Variants in ZNF638 observed in about 807,000 individuals in gnomAD.
The protein encoded by ZNF638 is CTCL tumor antigen se33-1.
In ZNF638, 46 loss-of-function variants were observed where a neutral mutation model predicts 195.6. That is an observed-to-expected ratio of 0.24 (90% CI 0.19 to 0.30). The LOEUF is 0.30. Ranked by LOEUF, ZNF638 falls within the 10% of genes least tolerant of loss-of-function variation. The pLI, the probability that ZNF638 is intolerant of heterozygous loss-of-function variation, is 1.00. For synonymous variants in ZNF638, 845 were observed against 772.0 expected (o/e 1.09, Z -1.57); for missense variants, 2,440 against 2,325.3 (o/e 1.05, Z -1.01).
rs369665852 is a variant in ZNF638 at position 71,396,075 on chromosome 2, C to G, written c.2378-66C>G. 17 of 1,465,616 alleles carry G rather than the reference C, an allele frequency of 1.2e-5. No individual in the cohort carries two copies. The African/African-American group carries it at 2.2e-4, about 19-fold the overall frequency. 90.8% of individuals were successfully genotyped at this position (1,465,616 alleles called of 1,614,324 possible). On this transcript the variant is annotated intron_variant, in intron 10 of 27. Transcript: ENST00000264447. ...TCTTTCGAAATTATTGCTAGGTTGA[C>G]TTTTAACTAAATCCAAGTGATGTTA... is the stretch of plus-strand genomic sequence containing the variant.
In ZNF638 at chr2:71,408,231, A is replaced by G; in HGVS notation, c.3245A>G (p.Lys1082Arg). ...ATGTTGACCTGCTCATTATCTCCAA[A>G]GATAGACTTACCAGAGGTAAGATTT... ...DHMLTCSLSP[K>R]IDLPEVQIEH... The change falls in exon 20 of 28, where the codon AAG (lysine) becomes AGG (arginine). Residue 1082 changes from lysine to arginine, a missense_variant. Physicochemically the swap from Lys to Arg is conservative, Grantham distance 26. Transcript: ENST00000264447. The G allele has an allele frequency of 6.2e-7, 1 of 1,610,940 alleles. No individual in the cohort carries two copies. The highest frequency in any genetic ancestry group is 2.2e-5 in the East Asian group (1 of 44,704).
At chr2:71,418,712 T>A in intron 21 of ZNF638, 73 bp downstream of exon 21, 3 of 1,077,324 alleles carry the variant, frequency 2.8e-6, no homozygotes, top group Non-Finnish European at 4.0e-6. Flanking sequence ...TATTTTATAG[T>A]AATGGCTCAC....
At chr2:71,409,547 C>T (rs1188911749) in intron 20 of ZNF638, among the ~76,000 whole-genome samples, 1 of 152,118 alleles carries the variant, frequency 6.6e-6, no homozygotes, top group Non-Finnish European at 1.5e-5. Context: ...GTGTCCATAA[C>T]CTCTACACTC....
At chr2:71,429,232 G>A (rs1328264175) in intron 25 of ZNF638, among the ~76,000 whole-genome samples, 2 of 152,100 alleles carry the variant, frequency 1.3e-5, no homozygotes, top group African/African-American at 2.4e-5. Flanking sequence ...TAAGGGTATC[G>A]CTTTTACCAT....
chr2:71,371,236 T>C (rs1454999832), intron 8 of ZNF638, among the ~76,000 whole-genome samples: 2 of 152,194 alleles, frequency 1.3e-5, no homozygotes, highest in Admixed American at 6.5e-5. Context: ...TCTTTATCTA[T>C]TCATGTGTTG....
chr2:71,406,762 G>A (rs1558873714), intron 19 of ZNF638, among the ~76,000 whole-genome samples: 1 of 152,158 alleles, frequency 6.6e-6, no homozygotes, highest in Admixed American at 6.5e-5. Context: ...CACTTTGGGA[G>A]GCTGAGGCGA....
chr2:71,392,217 C>G (rs1036940999), intron 10 of ZNF638, among the ~76,000 whole-genome samples: 1 of 152,202 alleles, frequency 6.6e-6, no homozygotes, highest in African/African-American at 2.4e-5. Context: ...TGCTGGCAGA[C>G]TATTTCAGTT....
At chr2:71,340,404 G>A (rs1384283623) in intron 1 of ZNF638, among the ~76,000 whole-genome samples, 1 of 152,198 alleles carries the variant, frequency 6.6e-6, no homozygotes, top group Non-Finnish European at 1.5e-5. Flanking sequence ...TGGTAGGAGA[G>A]ATCAGCAGAT....
chr2:71,352,353 C>A (rs1423136499), intron 2 of ZNF638, among the ~76,000 whole-genome samples: 1 of 151,936 alleles, frequency 6.6e-6, no homozygotes, highest in Non-Finnish European at 1.5e-5. Context: ...TCATGCGCAC[C>A]TGTAATTCCA....
chr2:71,410,047 C>A (rs752524366), intron 20 of ZNF638, among the ~76,000 whole-genome samples: 6 of 152,134 alleles, frequency 3.9e-5, no homozygotes, highest in Admixed American at 6.5e-5. Flanking sequence ...TGTGCTTAGG[C>A]TATTTTTCCT....
chr2:71,343,873 G>T (rs554529052), intron 1 of ZNF638, among the ~76,000 whole-genome samples: 5 of 47,726 alleles, frequency 1.0e-4, no homozygotes, highest in Non-Finnish European at 1.6e-4. Context: ...GCTCATGCCT[G>T]TAATCCTGGC....
At chr2:71,359,331 C>T (rs2079072101) in intron 3 of ZNF638, among the ~76,000 whole-genome samples, 1 of 152,156 alleles carries the variant, frequency 6.6e-6, no homozygotes, top group South Asian at 2.1e-4. Flanking sequence ...CCCCAGGAGC[C>T]TGCTGATGCA....
In ZNF638 at chr2:71,363,031, T is replaced by G. The variant is rs1461546497; in HGVS notation, c.1380-122T>G. 1.4e-5 allele frequency: 11 copies of G among 771,096 alleles called. No individual in the cohort carries two copies. In the South Asian group the frequency reaches 1.4e-4, roughly 10 times the overall value. The allele number at this position is 771,096 out of a possible 1,614,324, so 47.8% of individuals were successfully genotyped here. ...TTTGATTATTTATTGAATTAAACTC[T>G]CAAAATATTTTATTTCCAATAAAAG... is the stretch of plus-strand genomic sequence containing the variant. On this transcript the variant is annotated intron_variant, in intron 3 of 27. Transcript: ENST00000264447.
chr2:71,337,153 T>G (rs1361376546), intron 1 of ZNF638, among the ~76,000 whole-genome samples: 1 of 151,288 alleles, frequency 6.6e-6, no homozygotes, highest in Non-Finnish European at 1.5e-5. Context: ...TTTTTTTTTT[T>G]GACTTTGTAT....
At position 71,422,897 on chromosome 2, in the gene ZNF638, A is replaced by G. The variant is rs759217609; in HGVS notation, c.3383A>G (p.Glu1128Gly). The G allele has an allele frequency of 6.2e-7, 1 of 1,613,980 alleles. No individual in the cohort carries two copies. The highest frequency in any genetic ancestry group is 8.5e-7 in the Non-Finnish European group (1 of 1,179,996). Residue 1128 changes from glutamate (E) to glycine (G), a missense_variant, in exon 22 of 28, where the codon GAA (glutamate) becomes GGA (glycine). By Grantham distance (98) the Glu-to-Gly change is moderately conservative (BLOSUM62 -2). Coordinates refer to ENST00000264447, the MANE Select transcript of ZNF638 (RefSeq NM_014497.5). ...CCCTCTGTTAAACCTAATGAGCTTG[A>G]AGAAGAAAGTACTCCCAGCATTCAA... ...DSPSVKPNEL[E>G]EESTPSIQTE...
At chr2:71,391,965 A>G (rs1253012649) in intron 10 of ZNF638, among the ~76,000 whole-genome samples, 1 of 152,206 alleles carries the variant, frequency 6.6e-6, no homozygotes. Context: ...AGATGGCCAC[A>G]GGGCTGCGCT....
rs1458109818 is a variant in ZNF638 at position 71,426,513 on chromosome 2, A to G, written c.4644A>G (p.Ile1548Met). 7 of 1,609,724 alleles carry G rather than the reference A, an allele frequency of 4.3e-6. No homozygotes were observed. The highest frequency in any genetic ancestry group is 5.9e-6 in the Non-Finnish European group (7 of 1,178,848). The change falls in exon 24 of 28, where the codon ATA (isoleucine) becomes ATG (methionine). Residue 1548 changes from isoleucine to methionine, a missense_variant. Physicochemically the swap from Ile to Met is conservative, Grantham distance 10. Coordinates refer to ENST00000264447, the MANE Select transcript of ZNF638 (RefSeq NM_014497.5). ...LDEFVTVDEV[I>M]EEVNPSQAKQ... ...AATTTGTTACTGTGGATGAGGTTAT[A>G]GAAGAAGTGAATCCTTCTCAGGCCA...
intron 8 of ZNF638, among the ~76,000 whole-genome samples, chr2:71,372,049 G>C (rs1055639961): frequency 6.6e-6 from 1 of 152,144 alleles, no homozygotes; most frequent in Non-Finnish European, 1.5e-5. Context: ...AGAGATCTTA[G>C]ATAAAAGTCT....
rs1379540015 is a variant in ZNF638, at chr2:71,348,873, G to A, written c.-82G>A. On this transcript the variant is annotated 5_prime_UTR_variant, in exon 2 of 28. Transcript: ENST00000264447. ...TTGCTCAGATTAAGACTCAGTTGGC[G>A]CTTCAGCAGCTGAATGCCGTTGCCT... 7 of 1,613,070 alleles carry A rather than the reference G, an allele frequency of 4.3e-6. No individual in the cohort carries two copies. Among genetic ancestry groups the A allele is most frequent in the Non-Finnish European group, 5.9e-6 (7 of 1,179,936 alleles).
Sources: gnomAD v4.1 joint callset for allele counts (sites outside exome capture counted in the v4.1 genomes callset) on GRCh38, gnomAD v4.1.1 for gene constraint, MANE v1.5 for transcripts, NCBI Gene and HGNC (gene_info 2026-07-23, HGNC 2026-07-21) for gene names.